The following GSE1 variants were observed in gnomAD, a reference collection of about 807,000 sequenced individuals.
GSE1 encodes the protein genetic suppressor element 1.
In GSE1, 32 loss-of-function variants were observed where a neutral mutation model predicts 112.6. The observed-to-expected ratio is 0.28, with a 90% CI of 0.21 to 0.38. The LOEUF (loss-of-function observed/expected upper bound fraction) is 0.38. GSE1 is among the 10% of genes least tolerant of loss of function. The pLI is 1.00. For synonymous variants in GSE1, 1,115 were observed against 735.6 expected (o/e 1.52, Z -8.35); for missense variants, 2,348 against 1,699.2 (o/e 1.38, Z -6.71).
chr16:85,466,596 C>T (rs752936724), intron 2 of GSE1, among the ~76,000 whole-genome samples: 10 of 151,790 alleles, frequency 6.6e-5, no homozygotes, highest in African/African-American at 1.2e-4. Context: ...AGACTCACTG[C>T]GGGTGGCAAT....
intron 1 of GSE1, among the ~76,000 whole-genome samples, chr16:85,558,117 C>G (rs1217356909): frequency 6.6e-6 from 1 of 152,112 alleles, no homozygotes; most frequent in Non-Finnish European, 1.5e-5. Flanking sequence ...GGAGTGAGCC[C>G]TTGGGAACTC....
At chr16:85,308,258 G>A (rs1205844681) in intron 1 of GSE1, among the ~76,000 whole-genome samples, 1 of 152,168 alleles carries the variant, frequency 6.6e-6, no homozygotes, top group African/African-American at 2.4e-5. Flanking sequence ...AGGGAGAGCT[G>A]GGGACAGGAA....
intron 1 of GSE1, among the ~76,000 whole-genome samples, chr16:85,590,153 TGTGA>T (rs1300981186): frequency 1.5e-4 from 23 of 152,172 alleles, no homozygotes; most frequent in South Asian, 8.3e-4. Context: ...ATTGTGAGCG[TGTGA>T]GTGAATGTGT....
At chr16:85,444,768 C>T (rs1365868573) in intron 2 of GSE1, among the ~76,000 whole-genome samples, 1 of 152,182 alleles carries the variant, frequency 6.6e-6, no homozygotes, top group African/African-American at 2.4e-5. Flanking sequence ...CAGGCCTGAT[C>T]TCTCATGCCA....
In GSE1 at chr16:85,654,957, C is replaced by A; in HGVS notation, c.763C>A (p.Leu255Met). Residue 255 changes from leucine to methionine, a missense_variant, in exon 5 of 16, where the codon CTG becomes ATG. Physicochemically the swap from Leu to Met is conservative, Grantham distance 15 (BLOSUM62 2). Coordinates refer to ENST00000253458, the MANE Select transcript of GSE1 (RefSeq NM_014615.5). ...TGCAGCCTACTACCACCCCAGCTAC[C>A]TGGCCCCACACCCCTTCCCCCACCC... ...TAAAYYHPSY[L>M]APHPFPHPAF... 1 of 1,607,972 alleles carries A rather than the reference C, an allele frequency of 6.2e-7. No homozygotes were observed.
chr16:85,259,508 G>A (rs931438317), intron 1 of GSE1, among the ~76,000 whole-genome samples: 2 of 152,254 alleles, frequency 1.3e-5, no homozygotes, highest in Non-Finnish European at 2.9e-5. Flanking sequence ...GGCCCTCACG[G>A]CCGGCTTGTT....
At chr16:85,578,618 G>A (rs1015916903) in intron 1 of GSE1, among the ~76,000 whole-genome samples, 1 of 152,208 alleles carries the variant, frequency 6.6e-6, no homozygotes, top group Non-Finnish European at 1.5e-5. Flanking sequence ...CCAGGAGGTG[G>A]TAGATGCAGG....
At chr16:85,612,240 TG>T (rs1158084239), upstream of GSE1, among the ~76,000 whole-genome samples, 1 of 78,678 alleles carries the variant, frequency 1.3e-5, no homozygotes, top group African/African-American at 4.5e-5. Flanking sequence ...CGCGATGGGG[TG>T]GGGGCGGGGC....
At chr16:85,476,247 C>T (rs1031131374) in intron 2 of GSE1, among the ~76,000 whole-genome samples, 6 of 152,154 alleles carry the variant, frequency 3.9e-5, no homozygotes, top group African/African-American at 9.7e-5. Flanking sequence ...TTGAGGCCTG[C>T]GGGCTTTTAA....
At chr16:85,321,796 A>AG (rs1243227689) in intron 1 of GSE1, among the ~76,000 whole-genome samples, 1 of 140,418 alleles carries the variant, frequency 7.1e-6, no homozygotes, top group African/African-American at 3.0e-5. Flanking sequence ...CTGTCTTAAA[A>AG]AAAAAAAAAA....
chr16:85,254,839 C>T (rs1195252711), intron 1 of GSE1, among the ~76,000 whole-genome samples: 1 of 152,242 alleles, frequency 6.6e-6, no homozygotes, highest in Non-Finnish European at 1.5e-5. Flanking sequence ...CATGCTATGC[C>T]CGTTTCACAC....
chr16:85,209,106 G>T (rs1013000929), intron 1 of GSE1, among the ~76,000 whole-genome samples: 1 of 152,044 alleles, frequency 6.6e-6, no homozygotes, highest in Non-Finnish European at 1.5e-5. Context: ...CGCGTGATGG[G>T]GTTCGCTGTG....
upstream of GSE1, chr16:85,554,873 C>G: frequency 2.0e-6 from 2 of 985,234 alleles, no homozygotes; most frequent in Non-Finnish European, 2.4e-6. Flanking sequence ...CGCAGCCGCC[C>G]ACTGTTTGCA....
At chr16:85,553,725 C>G (rs1244568490), upstream of GSE1, among the ~76,000 whole-genome samples, 2 of 152,150 alleles carry the variant, frequency 1.3e-5, no homozygotes, top group Admixed American at 1.3e-4. Flanking sequence ...ATTTTTCTGG[C>G]GGGGTAGGCG....
intron 2 of GSE1, among the ~76,000 whole-genome samples, chr16:85,365,381 A>G (rs2047165845): frequency 6.6e-6 from 1 of 152,094 alleles, no homozygotes; most frequent in Non-Finnish European, 1.5e-5. Context: ...CTCCGCCTCC[A>G]CCTTCACTCT....
At chr16:85,523,141 C>G (rs377361422) in intron 2 of GSE1, among the ~76,000 whole-genome samples, 1 of 149,098 alleles carries the variant, frequency 6.7e-6, no homozygotes, top group African/African-American at 2.5e-5. Flanking sequence ...GTGTGTGTGG[C>G]TGTGAGACCT....
At chr16:85,413,581 T>C (rs2048634214) in intron 2 of GSE1, among the ~76,000 whole-genome samples, 1 of 152,194 alleles carries the variant, frequency 6.6e-6, no homozygotes, top group South Asian at 2.1e-4. Flanking sequence ...AAGCACACGC[T>C]TCGCAAATGG....
intron 1 of GSE1, among the ~76,000 whole-genome samples, chr16:85,351,416 G>GATTTGTATGAAATGTCCAGAAATGAC (rs1485423151): frequency 2.0e-5 from 3 of 152,198 alleles, no homozygotes; most frequent in African/African-American, 7.2e-5. Context: ...CCACATATTG[G>GATTTGTATGAAATGTCCAGAAATGAC]ATTTGTATGA....
chr16:85,439,979 C>T (rs1005206749), intron 2 of GSE1, among the ~76,000 whole-genome samples: 2 of 152,220 alleles, frequency 1.3e-5, no homozygotes, highest in East Asian at 3.8e-4. Flanking sequence ...TACATATGTG[C>T]ACATGCATGC....
Sources: gnomAD v4.1 joint callset for allele counts (sites outside exome capture counted in the v4.1 genomes callset) on GRCh38, gnomAD v4.1.1 for gene constraint, MANE v1.5 for transcripts, NCBI Gene and HGNC (gene_info 2026-07-23, HGNC 2026-07-21) for gene names.